Variants in SULF2 observed in about 807,000 individuals in gnomAD.
SULF2 encodes the protein sulfatase 2.
Under a neutral mutation model 107.7 loss-of-function variants are expected in SULF2, and 52 were observed. That is an observed-to-expected ratio of 0.48 (90% CI 0.39 to 0.61). The LOEUF (loss-of-function observed/expected upper bound fraction) is 0.61, where lower values mean the gene tolerates loss of function less well. Among genes scored for constraint, SULF2 ranks in the 20% least tolerant of loss-of-function variants. The pLI, the probability that SULF2 is intolerant of heterozygous loss-of-function variation, is 0.00. For missense variants in SULF2, 993 were observed against 1,177.3 expected (o/e 0.84, Z 2.29); for synonymous variants, 460 against 464.3 (o/e 0.99, Z 0.12).
chr20:47,728,771 G>A (rs1043193432), intron 3 of SULF2, among the ~76,000 whole-genome samples: 9 of 152,032 alleles, frequency 5.9e-5, no homozygotes, highest in Admixed American at 1.3e-4. Flanking sequence ...TCAGCCTCCC[G>A]AGTAGCTGAG....
intron 3 of SULF2, among the ~76,000 whole-genome samples, chr20:47,727,649 G>A (rs974010795): frequency 6.6e-6 from 1 of 152,104 alleles, no homozygotes; most frequent in Non-Finnish European, 1.5e-5. Flanking sequence ...TCCTCTTACG[G>A]CGCAGGGAAC....
In SULF2 at chr20:47,680,815, C is replaced by A. The variant is rs73133472; in HGVS notation, c.1065-2011G>T. Reference sequence around the variant, plus strand: ...TGTCCAGTGGTCCCGCTCCCCCAGGCTCAGGGGAAGGAGGACAGTGGTTGC... The same window carrying A: ...TGTCCAGTGGTCCCGCTCCCCCAGGATCAGGGGAAGGAGGACAGTGGTTGC... On this transcript the variant is annotated intron_variant, in intron 7 of 20. Coordinates refer to ENST00000688720, the MANE Select transcript of SULF2 (RefSeq NM_001387048.1). This position sits in a 1 kb window ranked among gnomAD's most constrained non-coding sequence, Gnocchi z 4.2. Among the ~76,000 whole-genome samples, 11,996 of 152,282 alleles carry A rather than the reference C, an allele frequency of 0.079. 517 individuals carry two copies. Among genetic ancestry groups the A allele is most frequent in the East Asian group, 0.13 (655 of 5,170 alleles).
chr20:47,676,949 AG>A, intron 9 of SULF2, 128 bp downstream of exon 9: 1 of 962,382 alleles, frequency 1.0e-6, no homozygotes, highest in Non-Finnish European at 1.6e-6. Context: ...CTTTGTGTTT[AG>A]GGGCCTTTGG....
intron 2 of SULF2, among the ~76,000 whole-genome samples, chr20:47,745,157 A>T (rs1030593373): frequency 6.6e-6 from 1 of 151,954 alleles, no homozygotes; most frequent in Admixed American, 6.6e-5. Flanking sequence ...AGGTTTGACT[A>T]TGAAATTCTA....
chr20:47,679,963 ATT>A (rs2087770839), intron 7 of SULF2, among the ~76,000 whole-genome samples: 1 of 151,712 alleles, frequency 6.6e-6, no homozygotes, highest in Non-Finnish European at 1.5e-5. Context: ...CTTATTGTCT[ATT>A]GCCCAGTTAG....
At chr20:47,659,534 G>C in intron 19 of SULF2, 82 bp from the exon 20 acceptor site, 1 of 1,485,410 alleles carries the variant, frequency 6.7e-7, no homozygotes, top group Non-Finnish European at 9.4e-7. Flanking sequence ...TACAAAGAAG[G>C]TCTCCTAGGT....
chr20:47,693,419 C>T (rs2088269804), intron 4 of SULF2, among the ~76,000 whole-genome samples: 1 of 152,200 alleles, frequency 6.6e-6, no homozygotes, highest in Non-Finnish European at 1.5e-5. Context: ...TTCACTACTT[C>T]ATCTTAGAAC....
At position 47,690,262 on chromosome 20, in the gene SULF2, C is replaced by G. The variant is rs149783473; in HGVS notation, c.601G>C (p.Val201Leu). ...YLTDLITNDS[V>L]SFFRTSKKMY... The stretch of plus-strand genomic sequence containing the variant: ...TTCTTGGACGTGCGGAAGAAGCTCA[C>G]GCTGTCATTGGTGATGAGGTCTGTG... Residue 201 changes from valine to leucine, a missense_variant, in exon 5 of 21, where the codon GTG (valine) becomes CTG (leucine). Around this residue, in one of 3 missense-constraint regions of SULF2, gnomAD observed 388 missense variants for 449.2 expected, o/e 0.86. Coordinates refer to ENST00000688720, the MANE Select transcript of SULF2 (RefSeq NM_001387048.1). The G allele has an allele frequency of 6.5e-7, 1 of 1,550,222 alleles. No homozygotes were observed. The highest frequency in any genetic ancestry group is 1.2e-5 in the South Asian group (1 of 82,068).
intron 2 of SULF2, among the ~76,000 whole-genome samples, chr20:47,746,421 G>A (rs909955178): frequency 1.3e-5 from 2 of 152,180 alleles, no homozygotes; most frequent in Admixed American, 6.5e-5. Context: ...CCACCTAACA[G>A]GCTGGAACTC....
intron 1 of SULF2, among the ~76,000 whole-genome samples, chr20:47,762,845 C>T (rs2090445804): frequency 6.6e-6 from 1 of 152,230 alleles, no homozygotes; most frequent in Non-Finnish European, 1.5e-5. Flanking sequence ...CACCCGCTCT[C>T]CTCTGGATGG....
At chr20:47,727,708 G>A (rs1047514879) in intron 3 of SULF2, among the ~76,000 whole-genome samples, 18 of 152,110 alleles carry the variant, frequency 1.2e-4, no homozygotes, top group African/African-American at 1.7e-4. Flanking sequence ...TCAGGGTGGC[G>A]TCTTATCACA....
At chr20:47,723,696 A>G (rs2089359271) in intron 3 of SULF2, among the ~76,000 whole-genome samples, 1 of 152,120 alleles carries the variant, frequency 6.6e-6, no homozygotes, top group African/African-American at 2.4e-5. Context: ...CCTTATGACA[A>G]TCTAATGCCT....
chr20:47,678,544 G>T lies in SULF2; in HGVS notation c.1193+132C>A. On this transcript the variant is annotated intron_variant, in intron 8 of 20. Coordinates refer to ENST00000688720, the MANE Select transcript of SULF2 (RefSeq NM_001387048.1). This position sits in a 1 kb window ranked among gnomAD's most constrained non-coding sequence, Gnocchi z 4.5. ...TCTCTCCCACAGCAGGTAAGTGGTT[G>T]GCATGGCGGGACCTGAGAACCCCAG... The T allele has an allele frequency of 3.3e-6, 3 of 915,672 alleles. No homozygotes were observed. The highest frequency in any genetic ancestry group is 4.8e-6 in the Non-Finnish European group (3 of 625,156). The allele number at this position is 915,672 out of a possible 1,614,324, so 56.7% of individuals were successfully genotyped here. A position where few individuals can be genotyped will look rare whatever the true frequency, so the allele number is the denominator to read the frequency against.
chr20:47,692,288 T>C (rs959901803), intron 4 of SULF2, among the ~76,000 whole-genome samples: 2 of 152,194 alleles, frequency 1.3e-5, no homozygotes, highest in African/African-American at 4.8e-5. Flanking sequence ...AGACACTCTT[T>C]CAGGTACACT....
intron 7 of SULF2, among the ~76,000 whole-genome samples, chr20:47,681,268 T>C (rs376403602): frequency 2.0e-5 from 3 of 152,342 alleles, no homozygotes; most frequent in East Asian, 3.9e-4. Flanking sequence ...GTGTTCCTTT[T>C]ATCTTACATG....
intron 3 of SULF2, among the ~76,000 whole-genome samples, chr20:47,713,297 C>A (rs535680077): frequency 3.9e-5 from 6 of 152,174 alleles, no homozygotes; most frequent in Non-Finnish European, 7.4e-5. Context: ...GGGCAGAGGC[C>A]AGGGATGCTG....
intron 1 of SULF2, among the ~76,000 whole-genome samples, chr20:47,759,320 G>A (rs1468675285): frequency 2.0e-5 from 3 of 152,130 alleles, no homozygotes; most frequent in African/African-American, 7.2e-5. Flanking sequence ...CTCCTTTCCA[G>A]CCCTACTGGC....
At chr20:47,769,957 C>T (rs1234155871) in intron 1 of SULF2, among the ~76,000 whole-genome samples, 1 of 151,332 alleles carries the variant, frequency 6.6e-6, no homozygotes, top group East Asian at 1.9e-4. Flanking sequence ...TAGGAAGATG[C>T]CTGAGGGAGG....
chr20:47,715,213 G>A, intron 3 of SULF2, among the ~76,000 whole-genome samples: 1 of 151,076 alleles, frequency 6.6e-6, no homozygotes, highest in African/African-American at 2.4e-5. Flanking sequence ...TTACAGGTGT[G>A]AGTCACCATG....
Sources: gnomAD v4.1 joint callset for allele counts (sites outside exome capture counted in the v4.1 genomes callset) on GRCh38, gnomAD v4.1.1 for gene constraint, gnomAD v4.1.1 regional missense constraint, Gnocchi (gnomAD v3.1) non-coding constraint, MANE v1.5 for transcripts, NCBI Gene and HGNC (gene_info 2026-07-23, HGNC 2026-07-21) for gene names.